The following DDX50 variants were observed in gnomAD, a reference collection of about 807,000 sequenced individuals.
The protein encoded by DDX50 is ATP-dependent RNA helicase DDX50.
DDX50 carries 56 observed loss-of-function variants against 94.8 expected under a neutral mutation model. That is an observed-to-expected ratio of 0.59 (90% CI 0.48 to 0.74). The LOEUF (loss-of-function observed/expected upper bound fraction) is 0.74. Ranked by LOEUF, DDX50 falls within the 30% of genes least tolerant of loss-of-function variation. The probability of loss-of-function intolerance (pLI) is 0.00; values close to 1 mark genes in which losing one functional copy is unlikely to be tolerated. For synonymous variants in DDX50, 264 were observed against 295.4 expected, an observed-to-expected ratio of 0.89 and a Z score of 1.09; for missense variants, 713 against 881.2, an observed-to-expected ratio of 0.81 and a Z score of 2.42.
chr10:68,916,439 A>G (rs1465799668), intron 7 of DDX50, among the ~76,000 whole-genome samples: 3 of 152,098 alleles, frequency 2.0e-5, no homozygotes, highest in Non-Finnish European at 4.4e-5. Context: ...TAAAATGTAT[A>G]GTAAAAAACA....
At chr10:68,908,080 C>T (rs963176125) in intron 2 of DDX50, among the ~76,000 whole-genome samples, 1 of 151,978 alleles carries the variant, frequency 6.6e-6, no homozygotes, top group East Asian at 1.9e-4. Flanking sequence ...TTAAATAAAA[C>T]ATACTATAGC....
chr10:68,933,055 CATT>C (rs1842311854), intron 8 of DDX50, among the ~76,000 whole-genome samples: 7 of 96,370 alleles, frequency 7.3e-5, no homozygotes, highest in Admixed American at 1.4e-4. Flanking sequence ...TTCATTGCAA[CATT>C]GTTTGTTTGT....
chr10:68,916,322 C>A (rs1404069989), intron 7 of DDX50, among the ~76,000 whole-genome samples: 2 of 144,668 alleles, frequency 1.4e-5, no homozygotes, highest in Non-Finnish European at 3.0e-5. Flanking sequence ...CCACTGCACT[C>A]CAGCCTGGAC....
Position 68,946,638 on chromosome 10 carries a change from ATAGT to A in DDX50, c.*11_*14del. On this transcript the variant is annotated 3_prime_UTR_variant, in exon 15 of 15. Coordinates refer to ENST00000373585, the MANE Select transcript of DDX50 (RefSeq NM_024045.2). Reference sequence around the variant, plus strand: ...AAACGGAGTTTTGACTGAGTATTTGATAGTTAATCTACCAGTGTGAGCTTGCCTA... The same window carrying A: ...AAACGGAGTTTTGACTGAGTATTTGATAATCTACCAGTGTGAGCTTGCCTA... The A allele has an allele frequency of 6.2e-7, 1 of 1,609,808 alleles. No homozygotes were observed. Among genetic ancestry groups the A allele is most frequent in the Non-Finnish European group, 8.5e-7 (1 of 1,177,464 alleles).
Position 68,934,014 on chromosome 10 carries a change from CT to C in DDX50, c.1240-181del, listed in dbSNP as rs1417892916. Among the ~76,000 whole-genome samples the C allele has an allele frequency of 6.7e-6, 1 of 150,308 alleles. No individual in the cohort carries two copies. Among genetic ancestry groups the C allele is most frequent in the Admixed American group, 6.6e-5 (1 of 15,050 alleles). On this transcript the variant is annotated intron_variant, in intron 8 of 14. Transcript: ENST00000373585. The surrounding 1 kb of genome is among the most constrained non-coding windows in gnomAD (Gnocchi z 4.0). ...TTCTAAGTCACTAGTATTAGGGAAGCTTTTACATTTTATGTTAAATATTTTC... is the reference window on the plus strand; with the variant it reads ...TTCTAAGTCACTAGTATTAGGGAAGCTTTACATTTTATGTTAAATATTTTC...
chr10:68,913,629 G>T, intron 6 of DDX50, 53 bp downstream of exon 6: 1 of 1,514,442 alleles, frequency 6.6e-7, no homozygotes, highest in Non-Finnish European at 8.9e-7. Flanking sequence ...GATCTTAAAT[G>T]CAAACGAGTT....
chr10:68,931,650 C>T (rs2132051865), intron 8 of DDX50, among the ~76,000 whole-genome samples: 1 of 151,474 alleles, frequency 6.6e-6, no homozygotes, highest in Middle Eastern at 3.4e-3. Flanking sequence ...GTCTCGAACT[C>T]CTGACCTCAG....
Position 68,934,704 on chromosome 10 carries a change from GA to G in DDX50, c.1402-92del, listed in dbSNP as rs1589268705. The stretch of plus-strand genomic sequence containing the variant: ...GAATGTTGAAAAGGGCAACAGGATT[GA>G]AATAAATATATTATTATTAACATTA... On this transcript the variant is annotated intron_variant, in intron 9 of 14. Coordinates refer to ENST00000373585, the MANE Select transcript of DDX50 (RefSeq NM_024045.2). The surrounding 1 kb of genome is among the most constrained non-coding windows in gnomAD (Gnocchi z 4.0). 6 of 1,341,832 alleles carry G rather than the reference GA, an allele frequency of 4.5e-6. No homozygotes were observed. The East Asian group carries it at 1.6e-4, about 36-fold the overall frequency. 83.1% of individuals were successfully genotyped at this position (1,341,832 alleles called of 1,614,324 possible).
chr10:68,902,546 C>T (rs1345583085), intron 1 of DDX50, among the ~76,000 whole-genome samples: 3 of 152,160 alleles, frequency 2.0e-5, no homozygotes, highest in Non-Finnish European at 4.4e-5. Context: ...CGTTTTGCAG[C>T]TGTCACCATC....
intron 6 of DDX50, 109 bp downstream of exon 6, chr10:68,913,685 AC>A: frequency 2.9e-6 from 3 of 1,040,966 alleles, no homozygotes; most frequent in Non-Finnish European, 4.0e-6. Context: ...TTCTAACAAA[AC>A]TAAAATAATT....
At chr10:68,943,386 T>A in intron 14 of DDX50, 129 bp downstream of exon 14, 2 of 749,864 alleles carry the variant, frequency 2.7e-6, no homozygotes, top group Non-Finnish European at 4.1e-6. Context: ...TAATATAAAA[T>A]AACCAGTCTG....
chr10:68,902,489 T>C (rs1047128299), intron 1 of DDX50, among the ~76,000 whole-genome samples: 16 of 152,356 alleles, frequency 1.1e-4, no homozygotes, highest in African/African-American at 3.6e-4. Flanking sequence ...TTTATCATTT[T>C]AACCATTTTT....
At chr10:68,910,275 AATT>A (rs764406176) in intron 2 of DDX50, 29 bp from the exon 3 acceptor site, 2 of 1,532,966 alleles carry the variant, frequency 1.3e-6, no homozygotes, top group Non-Finnish European at 1.8e-6. Flanking sequence ...GTTGAGTATA[AATT>A]ATTTAGGCCA....
intron 8 of DDX50, among the ~76,000 whole-genome samples, chr10:68,925,098 T>TG (rs1408669506): frequency 5.1e-4 from 7 of 13,710 alleles, no homozygotes; most frequent in Admixed American, 3.0e-3. Flanking sequence ...GCTCATGGTT[T>TG]TTTTTTTTTT....
In DDX50 at chr10:68,934,433, C is replaced by A; in HGVS notation, c.1401+73C>A. On this transcript the variant is annotated intron_variant, in intron 9 of 14. Coordinates refer to ENST00000373585, the MANE Select transcript of DDX50 (RefSeq NM_024045.2). This position sits in a 1 kb window ranked among gnomAD's most constrained non-coding sequence, Gnocchi z 4.0. ...TTCCCATTTAATTTACAACATATTGCTTGGGATGTGAAAAATATGTCATCT... is the reference window on the plus strand; with the variant it reads ...TTCCCATTTAATTTACAACATATTGATTGGGATGTGAAAAATATGTCATCT... 6.3e-7 allele frequency: 1 copy of A among 1,578,832 alleles called. No homozygotes were observed. Among genetic ancestry groups the A allele is most frequent in the Non-Finnish European group, 8.6e-7 (1 of 1,164,570 alleles).
In DDX50 at chr10:68,906,931, A is replaced by G; in HGVS notation, c.308A>G (p.Glu103Gly). ...GATCTACCAAATGGAGATATAGATG[A>G]ATATGAAAAAAAATCAAAGCGAGTA... ...RKDLPNGDID[E>G]YEKKSKRVSS... is the part of the protein sequence containing the mutation. Residue 103 changes from glutamate to glycine, a missense_variant, in exon 2 of 15, where the codon GAA becomes GGA. Coordinates refer to ENST00000373585, the MANE Select transcript of DDX50 (RefSeq NM_024045.2). 6.2e-7 allele frequency: 1 copy of G among 1,601,076 alleles called. No homozygotes were observed. The highest frequency in any genetic ancestry group is 8.5e-7 in the Non-Finnish European group (1 of 1,177,166).
Position 68,910,461 on chromosome 10 carries a change from G to T in DDX50, c.460+79G>T. 3 of 1,221,988 alleles carry T rather than the reference G, an allele frequency of 2.5e-6. No homozygotes were observed. The South Asian group carries it at 4.2e-5, about 17-fold the overall frequency. The allele number at this position is 1,221,988 out of a possible 1,614,324, so 75.7% of individuals were successfully genotyped here. A position where few individuals can be genotyped will look rare whatever the true frequency, so the allele number is the denominator to read the frequency against. ...TCTGTTGCCCAGGCTGGAGTGCAGT[G>T]GGGCAGTCTTGGCTCACTGCAACCT... On this transcript the variant is annotated intron_variant, in intron 3 of 14. Coordinates refer to ENST00000373585, the MANE Select transcript of DDX50 (RefSeq NM_024045.2).
chr10:68,909,252 AGTGT>A (rs955402421), intron 2 of DDX50, among the ~76,000 whole-genome samples: 3 of 152,188 alleles, frequency 2.0e-5, no homozygotes, highest in African/African-American at 7.2e-5. Flanking sequence ...GAAAATTGTT[AGTGT>A]GTGTTTCTTT....
intron 4 of DDX50, among the ~76,000 whole-genome samples, chr10:68,912,506 G>C (rs77653388): frequency 0.022 from 3,388 of 152,208 alleles, 59 homozygotes; most frequent in South Asian, 0.039. Context: ...GAGCCTCCAC[G>C]CCTGGCCCCA....
Sources: allele counts gnomAD v4.1 joint callset (sites outside exome capture counted in the v4.1 genomes callset), GRCh38; gene constraint gnomAD v4.1.1; non-coding constraint Gnocchi (gnomAD v3.1); transcripts MANE v1.5; gene names NCBI Gene and HGNC (gene_info 2026-07-23, HGNC 2026-07-21).